The following PDE4D variants were observed in gnomAD, a reference collection of about 807,000 sequenced individuals.
PDE4D encodes phosphodiesterase 4D.
Under a neutral mutation model 87.4 loss-of-function variants are expected in PDE4D, and 24 were observed. The observed-to-expected ratio is 0.27, with a 90% CI of 0.20 to 0.39. PDE4D has a LOEUF of 0.39. Ranked by LOEUF, PDE4D falls within the 10% of genes least tolerant of loss-of-function variation. The probability of loss-of-function intolerance (pLI) is 1.00; values close to 1 mark genes in which losing one functional copy is unlikely to be tolerated. For synonymous variants in PDE4D, 384 were observed against 383.2 expected, an observed-to-expected ratio of 1.00 and a Z score of -0.02; for missense variants, 714 against 1,041.0, an observed-to-expected ratio of 0.69 and a Z score of 4.32.
chr5:59,960,718 G>T (rs2152810192), intron 3 of PDE4D, among the ~76,000 whole-genome samples: 1 of 152,234 alleles, frequency 6.6e-6, no homozygotes, highest in African/African-American at 2.4e-5. Context: ...AGGGGAGGGA[G>T]AGAGGAGGCA....
chr5:59,814,325 A>G (rs1768727346), intron 1 of PDE4D, among the ~76,000 whole-genome samples: 1 of 152,200 alleles, frequency 6.6e-6, no homozygotes, highest in African/African-American at 2.4e-5. Flanking sequence ...AACTTAAAAT[A>G]TTTATGCTTG....
intron 1 of PDE4D, among the ~76,000 whole-genome samples, chr5:59,799,083 A>G (rs1299576745): frequency 6.6e-6 from 1 of 152,212 alleles, no homozygotes; most frequent in Non-Finnish European, 1.5e-5. Context: ...TATCTCATAA[A>G]CAATAAAAAT....
chr5:60,371,192 A>T lies in PDE4D; in HGVS notation c.-90+116750T>A, dbSNP rs541425138. On this transcript the variant is annotated intron_variant, in intron 1 of 16. Coordinates refer to the PDE4D transcript ENST00000502484. ...CACCTTAAACAACCAACTCCTTCCC[A>T]GGTTGCACTACGCGAATGGCCTTTG... Among the ~76,000 whole-genome samples, 3 of 152,348 alleles carry T rather than the reference A, an allele frequency of 2.0e-5. No individual in the cohort carries two copies. In the East Asian group the frequency reaches 5.8e-4, roughly 29 times the overall value.
At chr5:60,511,517 TTAATAATAA>T (rs150885033) in intron 1 of PDE4D, among the ~76,000 whole-genome samples, 11 of 147,758 alleles carry the variant, frequency 7.4e-5, no homozygotes, top group South Asian at 2.1e-4. Flanking sequence ...CTATAGAAAT[TTAATAATAA>T]TAATAATAAT....
At chr5:59,762,893 A>ATATATATATATC (rs70975330) in intron 1 of PDE4D, among the ~76,000 whole-genome samples, 2 of 105,904 alleles carry the variant, frequency 1.9e-5, no homozygotes. Context: ...ATATATATAT[A>ATATATATATATC]GCTTGCTCTT....
At chr5:59,926,879 AAC>A (rs748284915) in intron 3 of PDE4D, among the ~76,000 whole-genome samples, 1 of 152,138 alleles carries the variant, frequency 6.6e-6, no homozygotes, top group Non-Finnish European at 1.5e-5. Context: ...AGTAATAATA[AAC>A]AGTCTCCCAG....
intron 2 of PDE4D, among the ~76,000 whole-genome samples, chr5:60,015,208 C>A: frequency 6.6e-6 from 1 of 152,054 alleles, no homozygotes; most frequent in South Asian, 2.1e-4. Flanking sequence ...GATTTTGGAC[C>A]TTGAAGCTGG....
chr5:60,458,435 T>C (rs1237798308), intron 1 of PDE4D, among the ~76,000 whole-genome samples: 1 of 149,218 alleles, frequency 6.7e-6, no homozygotes, highest in South Asian at 2.1e-4. Context: ...ATGTGTGTCA[T>C]GTTGCTTGCT....
chr5:59,140,924 C>T (rs543710767), intron 5 of PDE4D, among the ~76,000 whole-genome samples: 3 of 152,160 alleles, frequency 2.0e-5, no homozygotes, highest in Non-Finnish European at 4.4e-5. Flanking sequence ...CAGCGTATTC[C>T]TTTAAAGATA....
intron 5 of PDE4D, among the ~76,000 whole-genome samples, chr5:59,070,340 A>G (rs1363344864): frequency 2.0e-5 from 3 of 152,188 alleles, no homozygotes; most frequent in Admixed American, 6.6e-5. Flanking sequence ...CCTGCAGTGC[A>G]TCCCCCACCC....
chr5:59,257,271 G>T (rs1228154192), intron 1 of PDE4D, among the ~76,000 whole-genome samples: 1 of 151,996 alleles, frequency 6.6e-6, no homozygotes, highest in African/African-American at 2.4e-5. Flanking sequence ...TGTGTTTGCT[G>T]TTTGAAGCTG....
At chr5:59,560,956 G>A in intron 1 of PDE4D, 1 of 152,208 alleles carries the variant, frequency 6.6e-6, no homozygotes, top group Admixed American at 6.5e-5. Flanking sequence ...AAACATGACA[G>A]AGTAAGAGAA....
At chr5:60,383,466 C>G (rs751857130) in intron 1 of PDE4D, among the ~76,000 whole-genome samples, 1 of 152,184 alleles carries the variant, frequency 6.6e-6, no homozygotes, top group African/African-American at 2.4e-5. Flanking sequence ...GGAAAACACA[C>G]TACAGCTAAG....
chr5:59,707,421 G>C (rs555879063), intron 1 of PDE4D, among the ~76,000 whole-genome samples: 3 of 152,214 alleles, frequency 2.0e-5, no homozygotes. Flanking sequence ...TGCATATGTT[G>C]GTCTAGTCCC....
intron 1 of PDE4D, among the ~76,000 whole-genome samples, chr5:60,228,236 T>C (rs988986680): frequency 6.6e-6 from 1 of 152,130 alleles, no homozygotes; most frequent in East Asian, 1.9e-4. Context: ...TATATTTATT[T>C]AGTTATTTGA....
rs1752825846 is a variant in PDE4D, at chr5:60,290,797, A to T, written c.-89-105110T>A. Among the ~76,000 whole-genome samples, 3 of 152,156 alleles carry T rather than the reference A, an allele frequency of 2.0e-5. No individual in the cohort carries two copies. In the South Asian group the frequency reaches 6.2e-4, roughly 31 times the overall value. On this transcript the variant is annotated intron_variant, in intron 1 of 16. Transcript: ENST00000502484. ...CTGCAGCCTAGGCAATCAGAGTGAG[A>T]CCCTGTCTCAAAAATAAAAATAATA...
At chr5:60,428,616 C>T (rs1426722651) in intron 1 of PDE4D, among the ~76,000 whole-genome samples, 5 of 152,136 alleles carry the variant, frequency 3.3e-5, no homozygotes, top group African/African-American at 1.2e-4. Context: ...CTGAGGACTT[C>T]CTATATACTG....
chr5:60,325,019 C>T (rs1756656471), intron 1 of PDE4D, among the ~76,000 whole-genome samples: 1 of 152,170 alleles, frequency 6.6e-6, no homozygotes, highest in African/African-American at 2.4e-5. Flanking sequence ...CATGGTGAGG[C>T]TCCCCAGGCT....
chr5:59,053,592 A>G (rs1039402382), intron 5 of PDE4D, among the ~76,000 whole-genome samples: 2 of 150,820 alleles, frequency 1.3e-5, no homozygotes, highest in African/African-American at 4.9e-5. Context: ...TTCTTGAAGT[A>G]TAACTCTTAA....
Sources: allele counts gnomAD v4.1 joint callset (sites outside exome capture counted in the v4.1 genomes callset), GRCh38; gene constraint gnomAD v4.1.1; transcripts MANE v1.5; gene names NCBI Gene and HGNC (gene_info 2026-07-23, HGNC 2026-07-21).